TRPM3: variants seen among roughly 807,000 people sequenced by gnomAD.
TRPM3 encodes the protein transient receptor potential cation channel subfamily M member 3, also known as long transient receptor potential channel 3.
Under a neutral mutation model 181.2 loss-of-function variants are expected in TRPM3, and 77 were observed. The ratio of observed to expected loss-of-function variants is 0.42; its 90% CI spans 0.35 to 0.51. The LOEUF (loss-of-function observed/expected upper bound fraction) is 0.51, where lower values mean the gene tolerates loss of function less well. Among genes scored for constraint, TRPM3 ranks in the 20% least tolerant of loss-of-function variants. The pLI, the probability that TRPM3 is intolerant of heterozygous loss-of-function variation, is 0.01. For missense variants in TRPM3, 1,759 were observed against 2,196.7 expected (o/e 0.80, Z 3.98); for synonymous variants, 745 against 796.4 (o/e 0.94, Z 1.09).
In TRPM3 at chr9:71,340,586, T is replaced by C. The variant is rs117296432; in HGVS notation, c.183+106067A>G. ...ACATGTCTTTCACCTTCCACCATGA[T>C]TGTGAGGACTCCCCAGCCATGTAGA... On this transcript the variant is annotated intron_variant, in intron 1 of 24. Coordinates refer to the TRPM3 transcript ENST00000357533. Among the ~76,000 whole-genome samples the C allele has an allele frequency of 1.0e-3, 153 of 152,228 alleles. 3 individuals carry two copies. The East Asian group carries it at 0.021, about 21-fold the overall frequency.
intron 8 of TRPM3, among the ~76,000 whole-genome samples, chr9:70,743,487 C>A (rs1038741373): frequency 6.6e-6 from 1 of 152,114 alleles, no homozygotes; most frequent in Non-Finnish European, 1.5e-5. Flanking sequence ...CTAAAATGAT[C>A]TCCTATGCAA....
At chr9:71,063,451 T>G (rs1006036141) in intron 1 of TRPM3, among the ~76,000 whole-genome samples, 20 of 152,114 alleles carry the variant, frequency 1.3e-4, no homozygotes, top group African/African-American at 4.8e-4. Flanking sequence ...TACAATATAA[T>G]GAAATGGCAG....
chr9:71,088,447 C>T (rs1042426519), intron 1 of TRPM3, among the ~76,000 whole-genome samples: 1 of 152,082 alleles, frequency 6.6e-6, no homozygotes, highest in Non-Finnish European at 1.5e-5. Context: ...ACAAAATACA[C>T]TTGGGAACCA....
At chr9:71,360,225 C>G (rs745426320) in intron 1 of TRPM3, among the ~76,000 whole-genome samples, 5 of 152,150 alleles carry the variant, frequency 3.3e-5, no homozygotes, top group Non-Finnish European at 7.4e-5. Flanking sequence ...AGCCAATGTC[C>G]TAGCCCAAGA....
intron 1 of TRPM3, among the ~76,000 whole-genome samples, chr9:71,248,862 C>A (rs779258580): frequency 6.6e-6 from 1 of 152,076 alleles, no homozygotes; most frequent in Non-Finnish European, 1.5e-5. Flanking sequence ...AAGAAGTGAG[C>A]TTTATGGCTC....
intron 1 of TRPM3, among the ~76,000 whole-genome samples, chr9:71,310,226 A>G (rs1360639723): frequency 6.6e-6 from 1 of 152,206 alleles, no homozygotes; most frequent in Non-Finnish European, 1.5e-5. Flanking sequence ...ATAATCTATT[A>G]TGTTGTTATT....
chr9:70,997,140 T>G (rs1590414175), intron 1 of TRPM3, among the ~76,000 whole-genome samples: 1 of 152,204 alleles, frequency 6.6e-6, no homozygotes, highest in Admixed American at 6.5e-5. Flanking sequence ...ATGCACTTCA[T>G]TTTTTTAAAT....
At chr9:71,052,633 C>T (rs1430042177) in intron 1 of TRPM3, among the ~76,000 whole-genome samples, 1 of 152,124 alleles carries the variant, frequency 6.6e-6, no homozygotes, top group African/African-American at 2.4e-5. Flanking sequence ...CATTTTGAGA[C>T]TTGCTGCCAC....
At chr9:71,190,119 A>T (rs1406697785) in intron 1 of TRPM3, among the ~76,000 whole-genome samples, 2 of 151,840 alleles carry the variant, frequency 1.3e-5, no homozygotes, top group African/African-American at 4.8e-5. Flanking sequence ...TTTTGTCTAA[A>T]AGCGTATGGG....
rs544937626 is a variant in TRPM3, at chr9:70,610,351, ACTCATCTCAC to A, written c.2667+248_2667+257del. Among the ~76,000 whole-genome samples the A allele has an allele frequency of 1.1e-4, 16 of 152,192 alleles. No individual in the cohort carries two copies. The South Asian group carries it at 2.9e-3, about 28-fold the overall frequency. The stretch of plus-strand genomic sequence containing the variant: ...TACTTTCCTGTTAGGCAAGACTCAT[ACTCATCTCAC>A]CTCTATTACTGTTAGTTCTCACCTC... On this transcript the variant is annotated intron_variant, in intron 19 of 25. Transcript: ENST00000677713.
intron 4 of TRPM3, among the ~76,000 whole-genome samples, chr9:70,845,639 A>T (rs1010022311): frequency 2.6e-5 from 4 of 152,226 alleles, no homozygotes; most frequent in African/African-American, 9.6e-5. Flanking sequence ...GGGGCTTGTA[A>T]TAAGTTTGCC....
chr9:70,538,521 C>T (rs571932419), intron 25 of TRPM3, among the ~76,000 whole-genome samples: 3 of 152,174 alleles, frequency 2.0e-5, no homozygotes, highest in Non-Finnish European at 4.4e-5. Flanking sequence ...CTCAACCTCC[C>T]AGACTCAAGC....
chr9:70,683,194 T>C (rs4394459), intron 8 of TRPM3, among the ~76,000 whole-genome samples: 55,737 of 151,884 alleles, frequency 0.37, 10,511 homozygotes, highest in East Asian at 0.46. Context: ...AAATTGCAAA[T>C]TGAAATGCCT....
chr9:70,539,473 ATTTT>A (rs57538597), intron 25 of TRPM3, among the ~76,000 whole-genome samples: 1 of 137,554 alleles, frequency 7.3e-6, no homozygotes. Flanking sequence ...CCTGCTTGTA[ATTTT>A]TTTTTTTTTT....
intron 8 of TRPM3, among the ~76,000 whole-genome samples, chr9:70,691,914 T>C (rs1189850500): frequency 6.6e-6 from 1 of 152,230 alleles, no homozygotes; most frequent in Non-Finnish European, 1.5e-5. Context: ...TGTTTCTGGT[T>C]GGGCCAGTAA....
chr9:71,046,787 C>T lies in TRPM3; in HGVS notation c.177+74391G>A, dbSNP rs118079993. On this transcript the variant is annotated intron_variant, in intron 1 of 25. Transcript: ENST00000677713. The stretch of plus-strand genomic sequence containing the variant: ...TTGAAAGTGTTGTAAAAGCAACATA[C>T]ATATTGAATAGGTATTTGTATAGGA... Among the ~76,000 whole-genome samples the T allele has an allele frequency of 4.9e-3, 752 of 152,278 alleles. 18 individuals carry two copies. In the East Asian group the frequency reaches 0.078, roughly 16 times the overall value.
At chr9:71,386,592 T>C (rs1307780041) in intron 1 of TRPM3, among the ~76,000 whole-genome samples, 3 of 152,150 alleles carry the variant, frequency 2.0e-5, no homozygotes, top group African/African-American at 7.2e-5. Context: ...GGTAGTCAAT[T>C]GGATATTGGA....
At chr9:71,016,928 A>C (rs994579231) in intron 1 of TRPM3, among the ~76,000 whole-genome samples, 1 of 152,146 alleles carries the variant, frequency 6.6e-6, no homozygotes, top group Non-Finnish European at 1.5e-5. Context: ...TTATTTTTTA[A>C]ATAGACATCT....
At chr9:70,606,395 T>G (rs1236766857) in intron 19 of TRPM3, among the ~76,000 whole-genome samples, 2 of 152,206 alleles carry the variant, frequency 1.3e-5, no homozygotes, top group Non-Finnish European at 2.9e-5. Flanking sequence ...CTTTCATCAT[T>G]TTTAGCCCCT....
Sources: gnomAD v4.1 joint callset for allele counts (sites outside exome capture counted in the v4.1 genomes callset) on GRCh38, gnomAD v4.1.1 for gene constraint, MANE v1.5 for transcripts, NCBI Gene and HGNC (gene_info 2026-07-23, HGNC 2026-07-21) for gene names.